NIFK: variants seen among roughly 807,000 people sequenced by gnomAD.
NIFK encodes the protein nucleolar protein interacting with the FHA domain of MKI67, also known as MKI67 FHA domain-interacting nucleolar phosphoprotein.
A neutral mutation model predicts 31.7 loss-of-function variants in NIFK; 16 were observed. The ratio of observed to expected loss-of-function variants is 0.50; its 90% CI spans 0.34 to 0.77. NIFK has a LOEUF of 0.77. NIFK is among the 30% of genes least tolerant of loss of function. NIFK has a pLI of 0.01. For synonymous variants in NIFK, 126 were observed against 123.0 expected (o/e 1.02, Z -0.16); for missense variants, 341 against 350.4 (o/e 0.97, Z 0.21).
intron 2 of NIFK, 71 bp downstream of exon 2, chr2:121,735,542 C>T (rs947906893): frequency 1.3e-5 from 19 of 1,475,124 alleles, no homozygotes; most frequent in Middle Eastern, 2.4e-4. Context: ...TATGCGTGAA[C>T]GTGCTCTTTA....
intron 3 of NIFK, 147 bp from the exon 4 acceptor site, chr2:121,731,251 AAT>A: frequency 6.7e-6 from 4 of 593,000 alleles, no homozygotes; most frequent in African/African-American, 1.9e-5. Context: ...ATGCGAAGTG[AAT>A]AGAGAGACAA....
Position 121,736,829 on chromosome 2 carries a change from C to T in NIFK, c.22G>A (p.Ala8Thr), listed in dbSNP as rs1187676264. 2 of 1,614,176 alleles carry T rather than the reference C, an allele frequency of 1.2e-6. No homozygotes were observed. Among genetic ancestry groups the T allele is most frequent in the Admixed American group, 1.7e-5 (1 of 60,028 alleles). Residue 8 changes from alanine to threonine, a missense_variant, in exon 1 of 7, where the codon GCT (alanine) becomes ACT (threonine). Coordinates refer to ENST00000285814, the MANE Select transcript of NIFK (RefSeq NM_032390.5). Reference sequence around the variant, plus strand: ...GGATTAAGCGACAGGATTGGCCCAGCCGGGCCAGAAAAAGTCGCCATGCCA... The same window carrying T: ...GGATTAAGCGACAGGATTGGCCCAGTCGGGCCAGAAAAAGTCGCCATGCCA... MATFSGP[A>T]GPILSLNPQE...
At chr2:121,730,122 G>A (rs2074526930) in intron 4 of NIFK, among the ~76,000 whole-genome samples, 1 of 152,138 alleles carries the variant, frequency 6.6e-6, no homozygotes, top group Admixed American at 6.5e-5. Context: ...GGTGAGGCAG[G>A]AGAATTGCTT....
chr2:121,732,748 C>A (rs2074551616), intron 2 of NIFK, among the ~76,000 whole-genome samples: 2 of 151,944 alleles, frequency 1.3e-5, no homozygotes, highest in Non-Finnish European at 2.9e-5. Flanking sequence ...CTTTGGGAGG[C>A]CGAGGGTGGA....
At chr2:121,728,455 A>C in intron 5 of NIFK, 22 bp downstream of exon 5, 1 of 1,557,402 alleles carries the variant, frequency 6.4e-7, no homozygotes, top group East Asian at 2.3e-5. Context: ...TCTTGCATGT[A>C]AAATGATAAA....
chr2:121,728,567 A>G (rs1444237532), intron 4 of NIFK, 31 bp from the exon 5 acceptor site: 3 of 1,273,004 alleles, frequency 2.4e-6, no homozygotes, highest in East Asian at 2.3e-5. Context: ...ATTGACACTC[A>G]TATCTTTTCT....
chr2:121,733,407 C>T (rs1379287865), intron 2 of NIFK, among the ~76,000 whole-genome samples: 2 of 151,952 alleles, frequency 1.3e-5, no homozygotes, highest in African/African-American at 4.8e-5. Flanking sequence ...CCCAGCTATT[C>T]AGGAGGCTGA....
At chr2:121,736,594 T>C (rs1180668876) in intron 1 of NIFK, 152 bp downstream of exon 1, 11 of 659,364 alleles carry the variant, frequency 1.7e-5, no homozygotes, top group Admixed American at 5.4e-5. Context: ...GGTCGGTCCC[T>C]GATTCGGTCG....
intron 4 of NIFK, among the ~76,000 whole-genome samples, chr2:121,729,058 A>C (rs999104108): frequency 6.6e-6 from 1 of 152,116 alleles, no homozygotes; most frequent in Non-Finnish European, 1.5e-5. Flanking sequence ...GTTTCTGGAT[A>C]AGGTTAAAAA....
Position 121,730,981 on chromosome 2 carries a change from A to G in NIFK, c.476T>C (p.Leu159Pro). 6.2e-7 allele frequency: 1 copy of G among 1,613,298 alleles called. No homozygotes were observed. The highest frequency in any genetic ancestry group is 1.3e-5 in the African/African-American group (1 of 74,994). Reference sequence around the variant, plus strand: ...CTTTTTAAATCGCTCCTCCATCCGTAGCTTTTGTGTTAGTGTCCGATTCCG... The same window carrying G: ...CTTTTTAAATCGCTCCTCCATCCGTGGCTTTTGTGTTAGTGTCCGATTCCG... Reference protein sequence around the residue: ...YNRNRTLTQKLRMEERFKKKE... With the variant: ...YNRNRTLTQKPRMEERFKKKE... The change falls in exon 4 of 7, where the codon CTA becomes CCA. Residue 159 changes from leucine to proline, a missense_variant. Physicochemically the swap from Leu to Pro is moderately conservative, Grantham distance 98 (BLOSUM62 -3). Coordinates refer to ENST00000285814, the MANE Select transcript of NIFK (RefSeq NM_032390.5).
At position 121,729,324 on chromosome 2, in the gene NIFK, T is replaced by C. The variant is rs369383866; in HGVS notation, c.565-788A>G. Among the ~76,000 whole-genome samples the C allele has an allele frequency of 5.7e-4, 81 of 141,776 alleles. No homozygotes were observed. In the East Asian group the frequency reaches 6.4e-3, roughly 11 times the overall value. 93.0% of individuals were successfully genotyped at this position (141,776 alleles called of 152,430 possible). A position where few individuals can be genotyped will look rare whatever the true frequency, so the allele number is the denominator to read the frequency against. On this transcript the variant is annotated intron_variant, in intron 4 of 6. Transcript: ENST00000285814. ...CGGAGGTTGCAGTGAGCTGAGATAG[T>C]GCCACTGCACTCCAGCCTGGGCAAC... is the stretch of plus-strand genomic sequence containing the variant.
Position 121,727,312 on chromosome 2 carries a change from C to A in NIFK, c.*412G>T, listed in dbSNP as rs1190816036. 2.3e-6 allele frequency: 1 copy of A among 431,100 alleles called. No individual in the cohort carries two copies. The highest frequency in any genetic ancestry group is 4.8e-6 in the Non-Finnish European group (1 of 209,610). 26.7% of individuals were successfully genotyped at this position (431,100 alleles called of 1,614,324 possible). On this transcript the variant is annotated 3_prime_UTR_variant, in exon 7 of 7. Coordinates refer to ENST00000285814, the MANE Select transcript of NIFK (RefSeq NM_032390.5). ...CCATCTGATGTTGAAATCTAAAGCA[C>A]CTCCATGAGTTAAATGTCCCCGACA...
At position 121,731,066 on chromosome 2, in the gene NIFK, A is replaced by G. The variant is rs1210160617; in HGVS notation, c.391T>C (p.Phe131Leu). ...TTAAATGGAATATTCCAGTCTTTAA[A>G]GAGTTCTTTATGTACTTTTTCAGGT... is the stretch of plus-strand genomic sequence containing the variant. ...MPPEKVHKEL[F>L]KDWNIPFKQP... Residue 131 changes from phenylalanine to leucine, a missense_variant, in exon 4 of 7, where the codon TTT becomes CTT. Phe to Leu is a conservative substitution (Grantham distance 22). Coordinates refer to ENST00000285814, the MANE Select transcript of NIFK (RefSeq NM_032390.5). The G allele has an allele frequency of 6.2e-7, 1 of 1,605,938 alleles. No individual in the cohort carries two copies. The highest frequency in any genetic ancestry group is 8.5e-7 in the Non-Finnish European group (1 of 1,176,436).
At chr2:121,732,283 T>A in intron 2 of NIFK, 79 bp from the exon 3 acceptor site, 2 of 816,510 alleles carry the variant, frequency 2.4e-6, no homozygotes, top group Non-Finnish European at 4.2e-6. Flanking sequence ...GCCATTATTT[T>A]AAATAATGTA....
Position 121,735,572 on chromosome 2 carries a change from T to C in NIFK, c.243+41A>G, listed in dbSNP as rs1241518395. ...TCTTTAATGTCAAGGATAATACACA[T>C]TTGAAAAACAAAACATTAAATCCAA... On this transcript the variant is annotated intron_variant, in intron 2 of 6. Coordinates refer to ENST00000285814, the MANE Select transcript of NIFK (RefSeq NM_032390.5). 6 of 1,604,004 alleles carry C rather than the reference T, an allele frequency of 3.7e-6. No homozygotes were observed. In the South Asian group the frequency reaches 5.5e-5, roughly 15 times the overall value.
At chr2:121,727,986 C>T in intron 6 of NIFK, 74 bp from the exon 7 acceptor site, 1 of 1,329,810 alleles carries the variant, frequency 7.5e-7, no homozygotes, top group Non-Finnish European at 1.0e-6. Context: ...AATATCATCT[C>T]TCCTCTATTT....
intron 4 of NIFK, among the ~76,000 whole-genome samples, chr2:121,729,670 T>A (rs1019256772): frequency 6.6e-6 from 1 of 152,088 alleles, no homozygotes; most frequent in Non-Finnish European, 1.5e-5. Context: ...GCTCAGGAGA[T>A]CCTGTTGCCT....
chr2:121,736,837 G>A lies in NIFK; in HGVS notation c.14C>T (p.Ser5Phe), dbSNP rs767800636. The change falls in exon 1 of 7, where the codon TCT becomes TTT. Residue 5 changes from serine to phenylalanine, a missense_variant. Coordinates refer to ENST00000285814, the MANE Select transcript of NIFK (RefSeq NM_032390.5). ...CGACAGGATTGGCCCAGCCGGGCCA[G>A]AAAAAGTCGCCATGCCAAAAGCCGC... MATFSGPAGPILSLN... is the reference protein window; with the variant it reads MATFFGPAGPILSLN... The A allele has an allele frequency of 1.4e-5, 23 of 1,613,934 alleles. No homozygotes were observed. Among genetic ancestry groups the A allele is most frequent in the Non-Finnish European group, 1.9e-5 (23 of 1,179,922 alleles).
At position 121,736,770 on chromosome 2, in the gene NIFK, C is replaced by T. The variant is rs753451933; in HGVS notation, c.81G>A (p.Ala27=). Residue 27 remains alanine, a synonymous_variant, in exon 1 of 7, where the codon GCG becomes GCA. Coordinates refer to ENST00000285814, the MANE Select transcript of NIFK (RefSeq NM_032390.5). ...QEDVEFQKEV[A]QVRKRITQRK... Reference sequence around the variant, plus strand: ...CCTGGGTTATGCGCTTGCGAACCTGCGCCACCTCCTTTTGAAACTCGACAT... The same window carrying T: ...CCTGGGTTATGCGCTTGCGAACCTGTGCCACCTCCTTTTGAAACTCGACAT... 3 of 1,613,960 alleles carry T rather than the reference C, an allele frequency of 1.9e-6. No homozygotes were observed. Among genetic ancestry groups the T allele is most frequent in the Admixed American group, 3.3e-5 (2 of 60,008 alleles).
Sources: gnomAD v4.1 joint callset for allele counts (sites outside exome capture counted in the v4.1 genomes callset) on GRCh38, gnomAD v4.1.1 for gene constraint, MANE v1.5 for transcripts, NCBI Gene and HGNC (gene_info 2026-07-23, HGNC 2026-07-21) for gene names.